The following CPB2 variants were observed in gnomAD, a reference collection of about 807,000 sequenced individuals.
CPB2 encodes the protein carboxypeptidase B2, also known as carboxypeptidase B-like protein.
Under a neutral mutation model 57.0 loss-of-function variants are expected in CPB2, and 54 were observed. The ratio of observed to expected loss-of-function variants is 0.95; its 90% CI spans 0.76 to 1.19. CPB2 has a LOEUF of 1.19. CPB2 is among the 50% of genes most tolerant of loss of function. The probability of loss-of-function intolerance (pLI) is 0.00; values close to 1 mark genes in which losing one functional copy is unlikely to be tolerated. For missense variants in CPB2, 426 were observed against 512.0 expected, an observed-to-expected ratio of 0.83 and a Z score of 1.62; for synonymous variants, 189 against 178.1, an observed-to-expected ratio of 1.06 and a Z score of -0.49.
chr13:46,085,215 G>A (rs987074517), intron 2 of CPB2, among the ~76,000 whole-genome samples: 9 of 152,198 alleles, frequency 5.9e-5, no homozygotes, highest in African/African-American at 2.2e-4. Flanking sequence ...CTAGGCAGGT[G>A]TTATTATTTG....
chr13:46,079,535 C>CAAAAAAAAAAAAAAAAAAAA (rs58164990), intron 4 of CPB2, among the ~76,000 whole-genome samples: 3 of 111,006 alleles, frequency 2.7e-5, no homozygotes, highest in Non-Finnish European at 3.6e-5. Flanking sequence ...AAGGAAAAAG[C>CAAAAAAAAAAAAAAAAAAAA]AAAAAAAAAA....
intron 10 of CPB2, 100 bp downstream of exon 10, chr13:46,055,662 C>G: frequency 1.7e-6 from 1 of 598,916 alleles, no homozygotes; most frequent in Non-Finnish European, 2.9e-6. Flanking sequence ...TACATGTGAC[C>G]CTATTTAATT....
At chr13:46,092,860 T>C (rs1044234053) in intron 1 of CPB2, among the ~76,000 whole-genome samples, 1 of 152,098 alleles carries the variant, frequency 6.6e-6, no homozygotes, top group Non-Finnish European at 1.5e-5. Flanking sequence ...AAAGGTAACA[T>C]TTGAGCTGTG....
rs1405180759 is a variant in CPB2 at position 46,055,772 on chromosome 13, T to G, written c.1077A>C (p.Ser359=). ...KNTRYTHGHG[S]ETLYLAPGGG... ...AGAAGAAATACTTACATAAGGTTTC[T>G]GAGCCATGGCCATGTGTATACCTGG... The change falls in exon 10 of 11, where the codon TCA becomes TCC. Residue 359 remains serine, a synonymous_variant. Transcript: ENST00000181383. 6 of 1,583,556 alleles carry G rather than the reference T, an allele frequency of 3.8e-6. No homozygotes were observed. Among genetic ancestry groups the G allele is most frequent in the African/African-American group, 1.4e-5 (1 of 73,988 alleles).
chr13:46,099,548 A>T (rs1056380923), intron 1 of CPB2: 1 of 152,218 alleles, frequency 6.6e-6, no homozygotes, highest in African/African-American at 2.4e-5. Context: ...GCTCTTCATT[A>T]TCTAAAGAGA....
At chr13:46,078,172 G>GA (rs1321459317) in intron 5 of CPB2, among the ~76,000 whole-genome samples, 3 of 151,570 alleles carry the variant, frequency 2.0e-5, no homozygotes, top group Non-Finnish European at 2.9e-5. Context: ...GAGGGAGGGA[G>GA]AAAAAAAATC....
intron 2 of CPB2, among the ~76,000 whole-genome samples, chr13:46,086,289 A>G (rs1256473451): frequency 6.6e-6 from 1 of 152,122 alleles, no homozygotes; most frequent in East Asian, 1.9e-4. Flanking sequence ...CACCTCCACC[A>G]TTTGGCAGGT....
chr13:46,058,228 A>T lies in CPB2; in HGVS notation c.950T>A (p.Val317Glu). Reference protein sequence around the residue: ...ISMHSYSQHIVFPYSYTRSKS... With the variant: ...ISMHSYSQHIEFPYSYTRSKS... Reference sequence around the variant, plus strand: ...ACTTCGTGTATAGGAATATGGAAACACTATATGCTGGGAGTATGAATGCAT... The same window carrying T: ...ACTTCGTGTATAGGAATATGGAAACTCTATATGCTGGGAGTATGAATGCAT... Residue 317 changes from valine to glutamate, a missense_variant, in exon 9 of 11, where the codon GTG (valine) becomes GAG (glutamate). Physicochemically the swap from Val to Glu is moderately radical, Grantham distance 121. Transcript: ENST00000181383. 1 of 1,614,116 alleles carries T rather than the reference A, an allele frequency of 6.2e-7. No individual in the cohort carries two copies. The highest frequency in any genetic ancestry group is 8.5e-7 in the Non-Finnish European group (1 of 1,179,956).
At chr13:46,086,882 A>C (rs2045215615) in intron 2 of CPB2, among the ~76,000 whole-genome samples, 1 of 152,208 alleles carries the variant, frequency 6.6e-6, no homozygotes. Context: ...CGCTCTGATC[A>C]TGCACACAGC....
intron 1 of CPB2, 69 bp downstream of exon 1, chr13:46,104,867 A>C (rs2045474737): frequency 1.3e-6 from 2 of 1,587,640 alleles, no homozygotes; most frequent in Non-Finnish European, 1.7e-6. Context: ...CAGTGCACTG[A>C]CTTGACACGA....
chr13:46,095,403 G>A (rs2045350975), intron 1 of CPB2, among the ~76,000 whole-genome samples: 10 of 152,060 alleles, frequency 6.6e-5, no homozygotes, highest in Admixed American at 6.6e-4. Flanking sequence ...AGGGATGATA[G>A]ATCCCATCAA....
At position 46,081,066 on chromosome 13, in the gene CPB2, A is replaced by C. The variant is rs188002588; in HGVS notation, c.384+1375T>G. Among the ~76,000 whole-genome samples, 12 of 152,024 alleles carry C rather than the reference A, an allele frequency of 7.9e-5. No homozygotes were observed. In the East Asian group the frequency reaches 2.3e-3, roughly 29 times the overall value. Reference sequence around the variant, plus strand: ...AAGCTGAGGAAAGAGGCCTCAGTAGAAACCAAACCTACTGACACCTTGATC... The same window carrying C: ...AAGCTGAGGAAAGAGGCCTCAGTAGCAACCAAACCTACTGACACCTTGATC... On this transcript the variant is annotated intron_variant, in intron 4 of 10. Transcript: ENST00000181383.
At chr13:46,102,849 C>T (rs2045453351) in intron 1 of CPB2, among the ~76,000 whole-genome samples, 1 of 151,972 alleles carries the variant, frequency 6.6e-6, no homozygotes, top group Non-Finnish European at 1.5e-5. Flanking sequence ...GTCCTCCTAC[C>T]TCCTCTCCTC....
At chr13:46,086,324 C>A (rs1384035646) in intron 2 of CPB2, among the ~76,000 whole-genome samples, 1 of 152,220 alleles carries the variant, frequency 6.6e-6, no homozygotes. Flanking sequence ...CAATGACGTA[C>A]GTGGACAAGC....
rs2044629050 is a variant in CPB2 at position 46,053,813 on chromosome 13, A to G, written c.1088-15T>C. On this transcript the variant is annotated splice_polypyrimidine_tract_variant and intron_variant, in intron 10 of 10. Transcript: ENST00000181383. ...AGGAGCTAGGTCTAAAAGAAGAAGA[A>G]AGAAATTGTTGAAATACAGACGTTT... The G allele has an allele frequency of 6.2e-7, 1 of 1,605,470 alleles. No homozygotes were observed.
At chr13:46,088,619 G>A (rs192377731) in intron 1 of CPB2, among the ~76,000 whole-genome samples, 1 of 152,184 alleles carries the variant, frequency 6.6e-6, no homozygotes, top group Non-Finnish European at 1.5e-5. Flanking sequence ...TATATTGTCA[G>A]TAGCAGTGGA....
chr13:46,060,974 T>C (rs1242955230), intron 8 of CPB2, among the ~76,000 whole-genome samples: 2 of 152,086 alleles, frequency 1.3e-5, no homozygotes, highest in Non-Finnish European at 2.9e-5. Context: ...GAAATATCTA[T>C]AATAGGCAAA....
Position 46,082,484 on chromosome 13 carries a change from C to CG in CPB2, c.340dup (p.Arg114ProfsTer8). On this transcript the variant is annotated frameshift_variant, in exon 4 of 11. Transcript: ENST00000181383. LOFTEE classifies it high-confidence loss of function. ...CTGTTCATAGTACGATGCGGAGGCT[C>CG]GGGGGCTGACTGTGTCGTTGGAAAT... 1 of 1,613,630 alleles carries CG rather than the reference C, an allele frequency of 6.2e-7. No homozygotes were observed. The highest frequency in any genetic ancestry group is 2.2e-5 in the East Asian group (1 of 44,870).
intron 1 of CPB2, among the ~76,000 whole-genome samples, chr13:46,103,961 G>A (rs147355038): frequency 5.3e-5 from 8 of 152,260 alleles, no homozygotes; most frequent in East Asian, 1.9e-4. Context: ...TTTGTTGCTC[G>A]ACATTCGACA....
Sources: gnomAD v4.1 joint callset for allele counts (sites outside exome capture counted in the v4.1 genomes callset) on GRCh38, gnomAD v4.1.1 for gene constraint, MANE v1.5 for transcripts, NCBI Gene and HGNC (gene_info 2026-07-23, HGNC 2026-07-21) for gene names.